The following ACSM2B variants were observed in gnomAD, a reference collection of about 807,000 sequenced individuals.
ACSM2B encodes the protein acyl-CoA synthetase medium chain family member 2B.
ACSM2B carries 58 observed loss-of-function variants against 78.6 expected under a neutral mutation model. That is an observed-to-expected ratio of 0.74 (90% CI 0.60 to 0.92). The LOEUF is 0.92. Ranked by LOEUF, ACSM2B falls within the 40% of genes least tolerant of loss-of-function variation. The pLI is 0.00. For missense variants in ACSM2B, 688 were observed against 711.2 expected, an observed-to-expected ratio of 0.97 and a Z score of 0.37; for synonymous variants, 257 against 256.8, an observed-to-expected ratio of 1.00 and a Z score of -0.01.
rs369411104 is a variant in ACSM2B at position 20,559,331 on chromosome 16, C to G, written c.294G>C (p.Ser98=). 1.2e-6 allele frequency: 2 copies of G among 1,609,070 alleles called. No homozygotes were observed. The highest frequency in any genetic ancestry group is 1.7e-6 in the Non-Finnish European group (2 of 1,177,662). Residue 98 remains serine (S), a synonymous_variant, in exon 3 of 14, where the codon TCG becomes TCC. Coordinates refer to ENST00000329697, the MANE Select transcript of ACSM2B (RefSeq NM_001105069.2). The stretch of plus-strand genomic sequence containing the variant: ...CCCCACGCTGCAGGCCACAGGCTCC[C>G]GAGAGGATGTTGGCTGCCTGCTGGC... ...ENSQQAANIL[S]GACGLQRGDR...
In ACSM2B at chr16:20,564,850, A is replaced by T. The variant is rs1028473726; in HGVS notation, c.-5T>A. ...AACTTTTCGCAGCCAATGCATGTTC[A>T]GGCCTGTAAAAGAAAGAAGAGACAC... On this transcript the variant is annotated 5_prime_UTR_variant, in exon 2 of 14. Transcript: ENST00000329697. 1 of 1,602,992 alleles carries T rather than the reference A, an allele frequency of 6.2e-7. No homozygotes were observed. Among genetic ancestry groups the T allele is most frequent in the Non-Finnish European group, 8.5e-7 (1 of 1,173,884 alleles).
At chr16:20,566,635 T>G (rs1258122038) in intron 1 of ACSM2B, among the ~76,000 whole-genome samples, 1 of 58,358 alleles carries the variant, frequency 1.7e-5, no homozygotes, top group Non-Finnish European at 2.5e-5. Context: ...CTATATATAG[T>G]ATATATATAC....
At position 20,553,846 on chromosome 16, in the gene ACSM2B, G is replaced by A; in HGVS notation, c.671C>T (p.Thr224Ile). 2 of 1,613,890 alleles carry A rather than the reference G, an allele frequency of 1.2e-6. No individual in the cohort carries two copies. The highest frequency in any genetic ancestry group is 1.7e-4 in the Middle Eastern group (1 of 6,056). ...EASAIYFTSG[T>I]SGLPKMAEHS... ...TTCTGCCATCTTGGGAAGACCACTG[G>A]TCCCACTAGTGAAGTAGATGGCAGA... Residue 224 changes from threonine to isoleucine, a missense_variant, in exon 5 of 14, where the codon ACC becomes ATC. Transcript: ENST00000329697.
chr16:20,541,552 T>G (rs2014988984), intron 12 of ACSM2B: 1 of 152,146 alleles, frequency 6.6e-6, no homozygotes, highest in African/African-American at 2.4e-5. Flanking sequence ...AAGACTCTGA[T>G]TCAAATATCA....
chr16:20,559,284 G>T lies in ACSM2B; in HGVS notation c.341C>A (p.Pro114His). 6.2e-7 allele frequency: 1 copy of T among 1,613,628 alleles called. No homozygotes were observed. The highest frequency in any genetic ancestry group is 8.5e-7 in the Non-Finnish European group (1 of 1,179,742). ...QRGDRVAVML[P>H]RVPEWWLVIL... ...CACCAGCCACCACTCAGGCACTCGG[G>T]GCAGCATCACTGCCACACGATCCCC... Residue 114 changes from proline to histidine, a missense_variant, in exon 3 of 14, where the codon CCC (proline) becomes CAC (histidine). Transcript: ENST00000329697.
chr16:20,550,512 T>A (rs578093315), intron 6 of ACSM2B, among the ~76,000 whole-genome samples: 23 of 152,134 alleles, frequency 1.5e-4, no homozygotes, highest in Non-Finnish European at 2.5e-4. Context: ...GTGGAACTTA[T>A]TAAAAACCAG....
chr16:20,544,381 G>A (rs1186462940), intron 10 of ACSM2B: 13 of 196,128 alleles, frequency 6.6e-5, no homozygotes, highest in Admixed American at 2.6e-4. Context: ...TTTTGAACTC[G>A]AGCAATCTGA....
At chr16:20,545,700 A>G (rs2015118912) in intron 9 of ACSM2B, among the ~76,000 whole-genome samples, 1 of 152,252 alleles carries the variant, frequency 6.6e-6, no homozygotes, top group Admixed American at 6.5e-5. Context: ...GGATTTTTAT[A>G]GGAATGAAAT....
intron 1 of ACSM2B, among the ~76,000 whole-genome samples, chr16:20,569,394 G>A (rs1268562826): frequency 4.0e-5 from 6 of 151,780 alleles, no homozygotes; most frequent in Non-Finnish European, 7.4e-5. Context: ...GTTTATTTCT[G>A]GGTTCTCTAT....
rs2015169442 is a variant in ACSM2B, at chr16:20,547,239, C to G, written c.1099-765G>C. ...ATCTGAGTGTCCTTGTAAGCATATTCTAAACATGTCCTCCTCTGAATGGTG... is the reference window on the plus strand; with the variant it reads ...ATCTGAGTGTCCTTGTAAGCATATTGTAAACATGTCCTCCTCTGAATGGTG... On this transcript the variant is annotated intron_variant, in intron 8 of 13. Transcript: ENST00000329697. 3 of 985,830 alleles carry G rather than the reference C, an allele frequency of 3.0e-6. No individual in the cohort carries two copies. In the African/African-American group the frequency reaches 5.2e-5, roughly 17 times the overall value. 61.1% of individuals were successfully genotyped at this position (985,830 alleles called of 1,614,324 possible). A position where few individuals can be genotyped will look rare whatever the true frequency, so the allele number is the denominator to read the frequency against.
rs377640239 is a variant in ACSM2B, at chr16:20,553,844, T to A, written c.673A>T (p.Ser225Cys). 7 of 1,613,782 alleles carry A rather than the reference T, an allele frequency of 4.3e-6. No homozygotes were observed. Among genetic ancestry groups the A allele is most frequent in the Non-Finnish European group, 5.9e-6 (7 of 1,179,826 alleles). ...TGTTCTGCCATCTTGGGAAGACCACTGGTCCCACTAGTGAAGTAGATGGCA... is the reference window on the plus strand; with the variant it reads ...TGTTCTGCCATCTTGGGAAGACCACAGGTCCCACTAGTGAAGTAGATGGCA... ...ASAIYFTSGT[S>C]GLPKMAEHSY... Residue 225 changes from serine to cysteine, a missense_variant, in exon 5 of 14, where the codon AGT becomes TGT. Ser to Cys is a moderately radical substitution (Grantham distance 112, BLOSUM62 -1). Transcript: ENST00000329697.
rs1232281308 is a variant in ACSM2B, at chr16:20,536,613, C to T, written c.*645G>A. On this transcript the variant is annotated 3_prime_UTR_variant, in exon 14 of 14. Coordinates refer to ENST00000329697, the MANE Select transcript of ACSM2B (RefSeq NM_001105069.2). ...GTACCACTTCTTTTCCTTTCATTTC[C>T]TTCTCAAGCTCCAGTTTTATGCTTG... The T allele has an allele frequency of 1.3e-5, 2 of 152,146 alleles. No homozygotes were observed. The highest frequency in any genetic ancestry group is 4.8e-5 in the African/African-American group (2 of 41,434). 9.4% of individuals were successfully genotyped at this position (152,146 alleles called of 1,614,324 possible). A position where few individuals can be genotyped will look rare whatever the true frequency, so the allele number is the denominator to read the frequency against.
At chr16:20,574,899 A>C (rs2016201632) in intron 1 of ACSM2B, among the ~76,000 whole-genome samples, 1 of 149,476 alleles carries the variant, frequency 6.7e-6, no homozygotes, top group African/African-American at 2.6e-5. Context: ...TTCTTTCATC[A>C]CTTTATCCAC....
chr16:20,575,903 T>G (rs2152157586), intron 1 of ACSM2B: 1 of 151,794 alleles, frequency 6.6e-6, no homozygotes, highest in Admixed American at 6.6e-5. Context: ...AATAAGCTCT[T>G]CTTCATTCTT....
chr16:20,559,492 A>G, intron 2 of ACSM2B, 45 bp from the exon 3 acceptor site: 1 of 1,596,526 alleles, frequency 6.3e-7, no homozygotes, highest in East Asian at 2.2e-5. Flanking sequence ...TTGGTACACA[A>G]GCAGGTAGGA....
intron 11 of ACSM2B, 61 bp from the exon 12 acceptor site, chr16:20,543,074 G>C: frequency 6.2e-7 from 1 of 1,613,000 alleles, no homozygotes. Flanking sequence ...CATTCCGGAA[G>C]TCTGGAACCA....
chr16:20,547,585 G>C, intron 8 of ACSM2B: 2 of 993,224 alleles, frequency 2.0e-6, no homozygotes, highest in Non-Finnish European at 2.4e-6. Flanking sequence ...AGAGTTCCAA[G>C]AAGATATGTC....
chr16:20,554,367 C>T (rs1461997469), intron 4 of ACSM2B, among the ~76,000 whole-genome samples: 1 of 152,188 alleles, frequency 6.6e-6, no homozygotes, highest in Non-Finnish European at 1.5e-5. Flanking sequence ...TCTTGGCACT[C>T]TCTTCTATTC....
At chr16:20,559,876 TGTGA>T in intron 2 of ACSM2B, among the ~76,000 whole-genome samples, 1 of 151,230 alleles carries the variant, frequency 6.6e-6, no homozygotes, top group East Asian at 1.9e-4. Flanking sequence ...TTCACTCTGT[TGTGA>T]GTACCAACAT....
Sources: gnomAD v4.1 joint callset for allele counts (sites outside exome capture counted in the v4.1 genomes callset) on GRCh38, gnomAD v4.1.1 for gene constraint, MANE v1.5 for transcripts, NCBI Gene and HGNC (gene_info 2026-07-23, HGNC 2026-07-21) for gene names.